LRMDA: variants seen among roughly 807,000 people sequenced by gnomAD.
The protein encoded by LRMDA is leucine rich melanocyte differentiation associated.
Under a neutral mutation model 29.8 loss-of-function variants are expected in LRMDA, and 18 were observed. The observed-to-expected ratio is 0.60, with a 90% confidence interval of 0.42 to 0.90. LRMDA has a LOEUF of 0.90. Among genes scored for constraint, LRMDA ranks in the 40% least tolerant of loss-of-function variants. LRMDA has a pLI of 0.00. For synonymous variants in LRMDA, 125 were observed against 109.4 expected (o/e 1.14, Z -0.89); for missense variants, 273 against 273.9 (o/e 1.00, Z 0.02).
At chr10:76,105,819 T>C (rs1207882920) in intron 5 of LRMDA, among the ~76,000 whole-genome samples, 4 of 152,226 alleles carry the variant, frequency 2.6e-5, no homozygotes, top group African/African-American at 9.6e-5. Context: ...TGATCTTGGC[T>C]CACTGCAACC....
chr10:76,118,704 T>C (rs10762693), intron 5 of LRMDA, among the ~76,000 whole-genome samples: 77,443 of 151,900 alleles, frequency 0.51, 20,265 homozygotes, highest in East Asian at 0.74. Context: ...AGCCCTCTTA[T>C]TCCCTTTTGC....
Position 75,770,987 on chromosome 10 carries a change from G to A in LRMDA, c.132-265021G>A, listed in dbSNP as rs966637505. On this transcript the variant is annotated intron_variant, in intron 2 of 6. Coordinates refer to ENST00000611255, the MANE Select transcript of LRMDA (RefSeq NM_001305581.2). ...TTCACAATGGGGCGAGTGTGTAGAC[G>A]TGTCCGTGGGGAGGTAATAGACGCC... is the stretch of plus-strand genomic sequence containing the variant. Among the ~76,000 whole-genome samples, 8 of 152,252 alleles carry A rather than the reference G, an allele frequency of 5.3e-5. 1 individual carries two copies. In the Middle Eastern group the frequency reaches 0.01, roughly 194 times the overall value.
intron 2 of LRMDA, among the ~76,000 whole-genome samples, chr10:75,588,785 CAG>C (rs747590612): frequency 3.9e-5 from 6 of 152,004 alleles, no homozygotes; most frequent in South Asian, 2.1e-4. Flanking sequence ...TGTATTTTTT[CAG>C]AGTTTCTAAA....
chr10:76,400,123 T>G (rs1213158849), intron 6 of LRMDA, among the ~76,000 whole-genome samples: 1 of 152,198 alleles, frequency 6.6e-6, no homozygotes, highest in Non-Finnish European at 1.5e-5. Context: ...TTCCTGCTGA[T>G]CTTGATGAAG....
At chr10:76,408,307 G>C (rs1398847663) in intron 6 of LRMDA, among the ~76,000 whole-genome samples, 1 of 152,196 alleles carries the variant, frequency 6.6e-6, no homozygotes, top group African/African-American at 2.4e-5. Flanking sequence ...AGTAGAACTA[G>C]ACAGAGGGCC....
At chr10:76,547,794 A>ACTGAAGGGCACTTCACAAAT (rs1174160009) in intron 6 of LRMDA, among the ~76,000 whole-genome samples, 13 of 152,136 alleles carry the variant, frequency 8.5e-5, no homozygotes, top group African/African-American at 3.1e-4. Flanking sequence ...ACGGACCCGC[A>ACTGAAGGGCACTTCACAAAT]CTGAAGGGCA....
intron 5 of LRMDA, among the ~76,000 whole-genome samples, chr10:76,221,496 C>T (rs1278356264): frequency 2.0e-5 from 3 of 152,298 alleles, no homozygotes; most frequent in East Asian, 3.9e-4. Context: ...AGAGCTAAAT[C>T]GTGAGTGAAC....
At chr10:76,195,809 C>G (rs1194177857) in intron 5 of LRMDA, among the ~76,000 whole-genome samples, 1 of 152,172 alleles carries the variant, frequency 6.6e-6, no homozygotes, top group African/African-American at 2.4e-5. Context: ...GAATGTTATT[C>G]TATGCATAGA....
intron 5 of LRMDA, among the ~76,000 whole-genome samples, chr10:76,151,005 C>G (rs1288590599): frequency 6.6e-6 from 1 of 152,046 alleles, no homozygotes; most frequent in Non-Finnish European, 1.5e-5. Flanking sequence ...CCATTAAGAC[C>G]CAGCCGGGCA....
chr10:75,491,547 T>C (rs1003886101), intron 2 of LRMDA, among the ~76,000 whole-genome samples: 5 of 152,180 alleles, frequency 3.3e-5, no homozygotes, highest in East Asian at 1.9e-4. Context: ...CTTGGAGTGA[T>C]GGACAAGGAT....
intron 2 of LRMDA, among the ~76,000 whole-genome samples, chr10:75,916,689 T>C (rs1365091889): frequency 6.6e-6 from 1 of 152,224 alleles, no homozygotes; most frequent in Non-Finnish European, 1.5e-5. Context: ...AACAGCTTTA[T>C]GGAAACACCT....
chr10:75,750,484 GGGGGGTGGGGGGCAGA>G (rs1842947282), intron 2 of LRMDA, among the ~76,000 whole-genome samples: 1 of 147,490 alleles, frequency 6.8e-6, no homozygotes, highest in African/African-American at 2.6e-5. Context: ...CAGACGGGGC[GGGGGGTGGGGGGCAGA>G]GGGGGTCCTC....
At chr10:76,092,445 C>T (rs1849245781) in intron 5 of LRMDA, among the ~76,000 whole-genome samples, 1 of 152,150 alleles carries the variant, frequency 6.6e-6, no homozygotes, top group South Asian at 2.1e-4. Context: ...TCCTCTTCAC[C>T]TTAGGAAGCC....
rs562119250 is a variant in LRMDA at position 75,488,926 on chromosome 10, C to T, written c.131+50432C>T. On this transcript the variant is annotated intron_variant, in intron 2 of 6. Transcript: ENST00000611255. ...CTCAGCATACAGTTTTCTTTCCCTT[C>T]GTGGGAACCAACTGAAATTGGCAAA... is the stretch of plus-strand genomic sequence containing the variant. 5.3e-5 allele frequency among the ~76,000 whole-genome samples: 8 copies of T among 152,244 alleles called. No homozygotes were observed. In the East Asian group the frequency reaches 1.5e-3, roughly 29 times the overall value.
chr10:75,931,470 G>C (rs889299983), intron 2 of LRMDA, among the ~76,000 whole-genome samples: 1 of 152,162 alleles, frequency 6.6e-6, no homozygotes, highest in East Asian at 1.9e-4. Context: ...AGATTTCTAG[G>C]ATATCAGCGG....
At chr10:75,935,027 C>T (rs531518716) in intron 2 of LRMDA, among the ~76,000 whole-genome samples, 1 of 152,202 alleles carries the variant, frequency 6.6e-6, no homozygotes, top group Admixed American at 6.5e-5. Flanking sequence ...GGTCCCTGGT[C>T]CAGCTTCTCT....
chr10:76,451,595 G>A (rs989471784), intron 6 of LRMDA, among the ~76,000 whole-genome samples: 1 of 151,664 alleles, frequency 6.6e-6, no homozygotes, highest in Admixed American at 6.6e-5. Flanking sequence ...TCCTTTGAAC[G>A]GTGCTGCATG....
intron 2 of LRMDA, among the ~76,000 whole-genome samples, chr10:75,874,582 T>A (rs1845165973): frequency 6.6e-6 from 1 of 152,164 alleles, no homozygotes; most frequent in African/African-American, 2.4e-5. Context: ...GGCCCAAGGA[T>A]TTTAGGGACT....
At chr10:75,842,407 A>C (rs1257663552) in intron 2 of LRMDA, among the ~76,000 whole-genome samples, 4 of 152,184 alleles carry the variant, frequency 2.6e-5, no homozygotes, top group African/African-American at 9.7e-5. Context: ...TGGCCTAGAA[A>C]GCCTGAAATA....
Sources: allele counts gnomAD v4.1 joint callset (sites outside exome capture counted in the v4.1 genomes callset), GRCh38; gene constraint gnomAD v4.1.1; transcripts MANE v1.5; gene names NCBI Gene and HGNC (gene_info 2026-07-23, HGNC 2026-07-21).